LRRK1: variants seen among roughly 807,000 people sequenced by gnomAD.
LRRK1 encodes leucine rich repeat kinase 1, also known as leucine-rich repeat serine/threonine-protein kinase 1.
LRRK1 carries 113 observed loss-of-function variants against 209.1 expected under a neutral mutation model. The observed-to-expected ratio is 0.54, with a 90% confidence interval of 0.46 to 0.63. LRRK1 has a LOEUF of 0.63. LRRK1 is among the 30% of genes least tolerant of loss of function. The probability of loss-of-function intolerance (pLI) is 0.00; values close to 1 mark genes in which losing one functional copy is unlikely to be tolerated. For missense variants in LRRK1, 2,284 were observed against 2,632.2 expected, an observed-to-expected ratio of 0.87 and a Z score of 2.89; for synonymous variants, 1,144 against 1,099.7, an observed-to-expected ratio of 1.04 and a Z score of -0.80.
At chr15:101,032,878 C>T (rs1033497966) in intron 20 of LRRK1, among the ~76,000 whole-genome samples, 2 of 152,196 alleles carry the variant, frequency 1.3e-5, no homozygotes, top group Non-Finnish European at 2.9e-5. Context: ...TGCCAAACCC[C>T]ACTGATTATT....
intron 2 of LRRK1, among the ~76,000 whole-genome samples, chr15:100,932,864 T>C (rs2042235520): frequency 6.6e-6 from 1 of 152,196 alleles, no homozygotes; most frequent in Admixed American, 6.5e-5. Context: ...CTGCATTTCA[T>C]TCTTTTGGGG....
chr15:101,047,748 G>A lies in LRRK1; in HGVS notation c.3136-746G>A, dbSNP rs901316208. Reference sequence around the variant, plus strand: ...AGTCAGCGCACAGGACAGTCTCGTCGTTCGAGAAGCGATTCCTCGGGATAC... The same window carrying A: ...AGTCAGCGCACAGGACAGTCTCGTCATTCGAGAAGCGATTCCTCGGGATAC... On this transcript the variant is annotated intron_variant, in intron 21 of 33. Coordinates refer to ENST00000388948, the MANE Select transcript of LRRK1 (RefSeq NM_024652.6). Among the ~76,000 whole-genome samples the A allele has an allele frequency of 3.9e-5, 6 of 152,318 alleles. No homozygotes were observed. The South Asian group carries it at 6.2e-4, about 16-fold the overall frequency.
At chr15:101,060,708 A>G (rs2036117222) in intron 29 of LRRK1, among the ~76,000 whole-genome samples, 1 of 152,264 alleles carries the variant, frequency 6.6e-6, no homozygotes. Flanking sequence ...CGGCCTGGTG[A>G]GCCAAGGCTC....
chr15:100,984,346 G>A (rs1286465751), intron 4 of LRRK1, among the ~76,000 whole-genome samples: 1 of 152,144 alleles, frequency 6.6e-6, no homozygotes, highest in African/African-American at 2.4e-5. Context: ...CGCTTACGTT[G>A]CAATTCATTC....
chr15:101,016,408 A>C (rs2033541848), intron 12 of LRRK1, among the ~76,000 whole-genome samples: 1 of 147,128 alleles, frequency 6.8e-6, no homozygotes, highest in Non-Finnish European at 1.5e-5. Context: ...CTGGTCTTGA[A>C]CTCCTGACCT....
chr15:101,058,199 A>T, intron 29 of LRRK1, 58 bp downstream of exon 29: 2 of 1,562,704 alleles, frequency 1.3e-6, no homozygotes, highest in Non-Finnish European at 1.8e-6. Context: ...GCCGCCGTGG[A>T]ATCTGGGAAC....
At chr15:100,956,449 T>TTTTCTC (rs2042759747) in intron 2 of LRRK1, among the ~76,000 whole-genome samples, 1 of 54,564 alleles carries the variant, frequency 1.8e-5, no homozygotes, top group African/African-American at 8.0e-5. Flanking sequence ...CTTTCCTTTT[T>TTTTCTC]TTTTTCTTTT....
chr15:101,006,358 C>A, intron 6 of LRRK1, among the ~76,000 whole-genome samples: 2 of 131,590 alleles, frequency 1.5e-5, no homozygotes, highest in Non-Finnish European at 1.6e-5. Flanking sequence ...GGACTTAATG[C>A]AACGACAATG....
chr15:100,986,885 T>TA (rs751921402), intron 4 of LRRK1, among the ~76,000 whole-genome samples: 41 of 152,322 alleles, frequency 2.7e-4, no homozygotes, highest in Non-Finnish European at 5.1e-4. Flanking sequence ...CTGTAGTTTT[T>TA]CCTACGACTC....
chr15:101,074,126 CGCCT>C lies in LRRK1; in HGVS notation c.*5280_*5283del, dbSNP rs2036897849. 6.6e-6 allele frequency: 1 copy of C among 152,298 alleles called. No homozygotes were observed. The highest frequency in any genetic ancestry group is 2.4e-5 in the African/African-American group (1 of 41,538). The allele number at this position is 152,298 out of a possible 1,614,324, so 9.4% of individuals were successfully genotyped here. A position where few individuals can be genotyped will look rare whatever the true frequency, so the allele number is the denominator to read the frequency against. On this transcript the variant is annotated 3_prime_UTR_variant, in exon 34 of 34. Transcript: ENST00000388948. The stretch of plus-strand genomic sequence containing the variant: ...TCCCAAATCTTCCTTCTTTCCCTCC[CGCCT>C]GTCTCCTCAGTCCCAACCCCAAGCA...
At chr15:100,976,412 G>A (rs567655118) in intron 3 of LRRK1, among the ~76,000 whole-genome samples, 3 of 152,336 alleles carry the variant, frequency 2.0e-5, no homozygotes, top group South Asian at 4.1e-4. Context: ...CAGATAGATG[G>A]TACACATATG....
Position 101,065,280 on chromosome 15 carries a change from G to T in LRRK1, c.4915-72G>T. 9.0e-6 allele frequency: 14 copies of T among 1,552,804 alleles called. No homozygotes were observed. In the South Asian group the frequency reaches 1.6e-4, roughly 17 times the overall value. ...CCTGGTGTGGGTGCAGATGAGTCCA[G>T]TGCCTACTCTGTGTCTCTCTTGGAA... On this transcript the variant is annotated intron_variant, in intron 31 of 33. Coordinates refer to ENST00000388948, the MANE Select transcript of LRRK1 (RefSeq NM_024652.6).
intron 29 of LRRK1, among the ~76,000 whole-genome samples, chr15:101,058,419 TC>T (rs1234619666): frequency 6.8e-5 from 10 of 147,184 alleles, no homozygotes; most frequent in Middle Eastern, 3.6e-3. Context: ...GTGCCTACAG[TC>T]CTAGCCACTC....
chr15:100,987,433 C>T (rs1162566151), intron 4 of LRRK1, among the ~76,000 whole-genome samples: 3 of 152,132 alleles, frequency 2.0e-5, no homozygotes, highest in East Asian at 1.9e-4. Context: ...CATTTCAGCC[C>T]ACACTGCCCC....
chr15:101,063,202 T>C (rs1298122866), intron 31 of LRRK1, among the ~76,000 whole-genome samples: 2 of 152,170 alleles, frequency 1.3e-5, no homozygotes, highest in Non-Finnish European at 2.9e-5. Context: ...CTCCTAGCCC[T>C]GGCCTTTCTA....
intron 17 of LRRK1, among the ~76,000 whole-genome samples, chr15:101,026,614 C>T (rs887899399): frequency 6.6e-6 from 1 of 152,214 alleles, no homozygotes; most frequent in Non-Finnish European, 1.5e-5. Context: ...CAGATAAGTC[C>T]AATTGCCCTG....
Position 101,065,907 on chromosome 15 carries a change from C to T in LRRK1, c.5470C>T (p.Leu1824=). ...ADVSIMYSEE[L]GTQILIHQES... ...CGTGAGCATCATGTACAGTGAGGAG[C>T]TGGGCACGCAGATCCTGATCCACCA... Residue 1824 remains leucine (L), a synonymous_variant, in exon 32 of 34, where the codon CTG becomes TTG. Coordinates refer to ENST00000388948, the MANE Select transcript of LRRK1 (RefSeq NM_024652.6). 1 of 1,614,140 alleles carries T rather than the reference C, an allele frequency of 6.2e-7. No individual in the cohort carries two copies. The highest frequency in any genetic ancestry group is 8.5e-7 in the Non-Finnish European group (1 of 1,180,020).
chr15:100,922,830 T>TC (rs56018907), intron 1 of LRRK1, among the ~76,000 whole-genome samples: 51,733 of 152,076 alleles, frequency 0.34, 10,967 homozygotes, highest in African/African-American at 0.6. Context: ...CGACCATCCC[T>TC]TTTGCCTCTG....
rs1022323814 is a variant in LRRK1, at chr15:101,074,031, G to A, written c.*5183G>A. 2.0e-5 allele frequency: 3 copies of A among 152,118 alleles called. No homozygotes were observed. In the East Asian group the frequency reaches 5.8e-4, roughly 29 times the overall value. The allele number at this position is 152,118 out of a possible 1,614,324, so 9.4% of individuals were successfully genotyped here. On this transcript the variant is annotated 3_prime_UTR_variant, in exon 34 of 34. Transcript: ENST00000388948. Reference sequence around the variant, plus strand: ...TTGTCGTAAAATGGGCAAATGGTCTGAGGTGCCTGACGTCCAGGCGTTCTT... The same window carrying A: ...TTGTCGTAAAATGGGCAAATGGTCTAAGGTGCCTGACGTCCAGGCGTTCTT...
Sources: gnomAD v4.1 joint callset for allele counts (sites outside exome capture counted in the v4.1 genomes callset) on GRCh38, gnomAD v4.1.1 for gene constraint, MANE v1.5 for transcripts, NCBI Gene and HGNC (gene_info 2026-07-23, HGNC 2026-07-21) for gene names.